PTPRD: variants seen among roughly 807,000 people sequenced by gnomAD.
The protein encoded by PTPRD is receptor-type tyrosine-protein phosphatase delta.
In PTPRD, 34 loss-of-function variants were observed where a neutral mutation model predicts 214.5. That is an observed-to-expected ratio of 0.16 (90% CI 0.12 to 0.21). PTPRD has a LOEUF of 0.21. Among genes scored for constraint, PTPRD ranks in the 10% least tolerant of loss-of-function variants. The pLI, the probability that PTPRD is intolerant of heterozygous loss-of-function variation, is 1.00. For missense variants in PTPRD, 2,545 were observed against 2,398.7 expected (o/e 1.06, Z -1.27); for synonymous variants, 1,128 against 845.7 (o/e 1.33, Z -5.79).
chr9:10,544,911 C>G (rs112268658), intron 2 of PTPRD, among the ~76,000 whole-genome samples: 5,434 of 152,258 alleles, frequency 0.036, 124 homozygotes, highest in South Asian at 0.068. Flanking sequence ...AACTCAAATT[C>G]TGTCCCGTAC....
At chr9:9,539,978 A>G (rs1388482653) in intron 8 of PTPRD, among the ~76,000 whole-genome samples, 5 of 151,850 alleles carry the variant, frequency 3.3e-5, no homozygotes, top group Non-Finnish European at 5.9e-5. Flanking sequence ...GGATATTTGA[A>G]TAATTTTATC....
intron 2 of PTPRD, among the ~76,000 whole-genome samples, chr9:10,572,186 T>C (rs546090288): frequency 5.3e-5 from 8 of 152,244 alleles, no homozygotes; most frequent in African/African-American, 1.9e-4. Context: ...AAGTATAGAA[T>C]TTTTGGAAAA....
At position 9,516,517 on chromosome 9, in the gene PTPRD, ATTTATTTTAT is replaced by A. The variant is rs557993933; in HGVS notation, c.-237+58205_-237+58214del. On this transcript the variant is annotated intron_variant, in intron 8 of 45. Coordinates refer to ENST00000381196, the MANE Select transcript of PTPRD (RefSeq NM_002839.4). ...AAAAATAAAATATATATACATATATATTTATTTTATTTTATTTTATTTTATTTATTTATTT... is the reference window on the plus strand; with the variant it reads ...AAAAATAAAATATATATACATATATATTTATTTTATTTTATTTATTTATTT... Among the ~76,000 whole-genome samples, 12 of 149,822 alleles carry A rather than the reference ATTTATTTTAT, an allele frequency of 8.0e-5. No homozygotes were observed. The South Asian group carries it at 8.3e-4, about 10-fold the overall frequency.
At chr9:9,693,387 A>G (rs1484190485) in intron 7 of PTPRD, among the ~76,000 whole-genome samples, 1 of 151,684 alleles carries the variant, frequency 6.6e-6, no homozygotes, top group Non-Finnish European at 1.5e-5. Flanking sequence ...TCTCACAGAC[A>G]CTCTCTCACC....
intron 8 of PTPRD, among the ~76,000 whole-genome samples, chr9:9,571,736 A>C (rs1238332981): frequency 6.6e-6 from 1 of 151,056 alleles, no homozygotes; most frequent in Non-Finnish European, 1.5e-5. Context: ...ATATTGATTT[A>C]ACAAAATACT....
chr9:9,701,968 A>G (rs1218849432), intron 7 of PTPRD, among the ~76,000 whole-genome samples: 1 of 151,924 alleles, frequency 6.6e-6, no homozygotes, highest in African/African-American at 2.4e-5. Context: ...AAAATACAAA[A>G]ATTAGCCAGG....
At chr9:8,970,347 C>A (rs958936544) in intron 11 of PTPRD, among the ~76,000 whole-genome samples, 1 of 151,732 alleles carries the variant, frequency 6.6e-6, no homozygotes, top group Non-Finnish European at 1.5e-5. Flanking sequence ...ATAGTGAGTT[C>A]TAAATAATCT....
At chr9:9,254,729 CA>C (rs1473351092) in intron 9 of PTPRD, among the ~76,000 whole-genome samples, 2 of 152,006 alleles carry the variant, frequency 1.3e-5, no homozygotes, top group Admixed American at 1.3e-4. Flanking sequence ...TCTCAGCATA[CA>C]AACATTTGAA....
chr9:10,276,330 A>G (rs2094688355), intron 3 of PTPRD, among the ~76,000 whole-genome samples: 1 of 152,172 alleles, frequency 6.6e-6, no homozygotes, highest in East Asian at 1.9e-4. Context: ...CCTTTCTTTG[A>G]TGCCCCTATT....
chr9:9,305,410 G>C (rs191523862), intron 9 of PTPRD, among the ~76,000 whole-genome samples: 3 of 151,962 alleles, frequency 2.0e-5, no homozygotes, highest in African/African-American at 4.8e-5. Context: ...ACTGTATAAG[G>C]TCTTAATTGG....
intron 32 of PTPRD, among the ~76,000 whole-genome samples, chr9:8,464,521 C>T (rs922833955): frequency 4.0e-5 from 6 of 151,898 alleles, no homozygotes; most frequent in Non-Finnish European, 8.8e-5. Flanking sequence ...ACTGTACACA[C>T]TAACACCTGA....
intron 9 of PTPRD, among the ~76,000 whole-genome samples, chr9:9,235,522 CTCTTG>C (rs2099966056): frequency 6.6e-6 from 1 of 152,068 alleles, no homozygotes; most frequent in South Asian, 2.1e-4. Flanking sequence ...TGTTCTTCTC[CTCTTG>C]TCTTTTGTTA....
intron 3 of PTPRD, among the ~76,000 whole-genome samples, chr9:10,223,889 C>T (rs1450345210): frequency 2.0e-5 from 3 of 151,502 alleles, no homozygotes; most frequent in African/African-American, 7.3e-5. Context: ...AATCTATACA[C>T]ACTATTCTTC....
rs546462170 is a variant in PTPRD, at chr9:10,162,525, G to A, written c.-544-128735C>T. Among the ~76,000 whole-genome samples, 11 of 150,720 alleles carry A rather than the reference G, an allele frequency of 7.3e-5. No homozygotes were observed. The South Asian group carries it at 2.1e-3, about 29-fold the overall frequency. On this transcript the variant is annotated intron_variant, in intron 3 of 45. Coordinates refer to ENST00000381196, the MANE Select transcript of PTPRD (RefSeq NM_002839.4). ...TTATGAAGACAGACAGTAAATTGGTGTTTTCCAAAGGCCAGAAAGGGTAGA... is the reference window on the plus strand; with the variant it reads ...TTATGAAGACAGACAGTAAATTGGTATTTTCCAAAGGCCAGAAAGGGTAGA...
chr9:10,487,528 C>T (rs1480091100), intron 2 of PTPRD, among the ~76,000 whole-genome samples: 1 of 151,994 alleles, frequency 6.6e-6, no homozygotes, highest in Non-Finnish European at 1.5e-5. Context: ...TCTTATAACC[C>T]ATTATTTTAA....
intron 3 of PTPRD, among the ~76,000 whole-genome samples, chr9:10,241,480 T>C (rs1193538380): frequency 6.6e-6 from 1 of 151,902 alleles, no homozygotes; most frequent in African/African-American, 2.4e-5. Context: ...GAAAACCAAA[T>C]TATAGTATAG....
intron 9 of PTPRD, among the ~76,000 whole-genome samples, chr9:9,320,557 C>T (rs1965963468): frequency 6.6e-6 from 1 of 152,098 alleles, no homozygotes; most frequent in Admixed American, 6.5e-5. Context: ...CACACCAGTC[C>T]TTTACACCGA....
intron 9 of PTPRD, among the ~76,000 whole-genome samples, chr9:9,302,445 G>C (rs1436803230): frequency 1.3e-5 from 2 of 150,722 alleles, no homozygotes; most frequent in African/African-American, 2.4e-5. Flanking sequence ...AAGTGGATGA[G>C]ATGTACAGGA....
chr9:9,536,534 T>C (rs1030931466), intron 8 of PTPRD, among the ~76,000 whole-genome samples: 8 of 151,988 alleles, frequency 5.3e-5, no homozygotes, highest in Admixed American at 2.6e-4. Context: ...CAAATTACGA[T>C]CTGAAATGTG....
Sources: gnomAD v4.1 joint callset for allele counts (sites outside exome capture counted in the v4.1 genomes callset) on GRCh38, gnomAD v4.1.1 for gene constraint, MANE v1.5 for transcripts, NCBI Gene and HGNC (gene_info 2026-07-23, HGNC 2026-07-21) for gene names.